CHCHD3: variants seen among roughly 807,000 people sequenced by gnomAD.
CHCHD3 encodes coiled-coil-helix-coiled-coil-helix domain containing 3.
In CHCHD3, 20 loss-of-function variants were observed where a neutral mutation model predicts 38.2. The observed-to-expected ratio is 0.52, with a 90% CI of 0.37 to 0.76. CHCHD3 has a LOEUF of 0.76. Among genes scored for constraint, CHCHD3 ranks in the 30% least tolerant of loss-of-function variants. The pLI is 0.00. For missense variants in CHCHD3, 245 were observed against 279.2 expected (o/e 0.88, Z 0.87); for synonymous variants, 82 against 100.0 (o/e 0.82, Z 1.07).
intron 2 of CHCHD3, chr7:133,034,919 C>T (rs765198884): frequency 3.5e-5 from 57 of 1,606,982 alleles, no homozygotes; most frequent in Non-Finnish European, 4.7e-5. Flanking sequence ...TCATGAAGGT[C>T]TGAGTGAGTT....
rs538651148 is a variant in CHCHD3, at chr7:132,897,574, C to T, written c.370-11829G>A. The stretch of plus-strand genomic sequence containing the variant: ...CAGAAAGAGAATTGGTTCTGGGACT[C>T]CTGCCTCTTGACAGCAGTGTACTTC... On this transcript the variant is annotated intron_variant, in intron 4 of 7. Coordinates refer to ENST00000262570, the MANE Select transcript of CHCHD3 (RefSeq NM_017812.4). 3.3e-5 allele frequency among the ~76,000 whole-genome samples: 5 copies of T among 152,336 alleles called. No homozygotes were observed. The East Asian group carries it at 9.7e-4, about 29-fold the overall frequency.
chr7:132,892,852 T>C (rs1809399372), intron 4 of CHCHD3, among the ~76,000 whole-genome samples: 1 of 152,224 alleles, frequency 6.6e-6, no homozygotes, highest in Admixed American at 6.5e-5. Flanking sequence ...AAGTCAAGAA[T>C]TGAGGTTTGC....
intron 4 of CHCHD3, among the ~76,000 whole-genome samples, chr7:132,919,503 C>A (rs1810206899): frequency 6.6e-6 from 1 of 152,104 alleles, no homozygotes; most frequent in Non-Finnish European, 1.5e-5. Context: ...AACTCCCTCA[C>A]CAAAATATTA....
intron 4 of CHCHD3, among the ~76,000 whole-genome samples, chr7:132,949,995 GGATACTTT>G (rs1810999599): frequency 6.6e-6 from 1 of 151,868 alleles, no homozygotes; most frequent in South Asian, 2.1e-4. Context: ...TAGGAATATG[GGATACTTT>G]GTGTTCTGCC....
intron 2 of CHCHD3, among the ~76,000 whole-genome samples, chr7:133,048,303 T>C (rs1814056096): frequency 6.6e-6 from 1 of 152,292 alleles, no homozygotes; most frequent in South Asian, 2.1e-4. Context: ...CACATATAAC[T>C]TGAAGTGACT....
At chr7:132,915,258 G>A (rs953927974) in intron 4 of CHCHD3, among the ~76,000 whole-genome samples, 4 of 152,116 alleles carry the variant, frequency 2.6e-5, no homozygotes, top group African/African-American at 7.2e-5. Context: ...AAGGAGGAAC[G>A]GACTTTGGGG....
chr7:133,080,907 T>A (rs941766704), intron 1 of CHCHD3, among the ~76,000 whole-genome samples: 31 of 126,930 alleles, frequency 2.4e-4, no homozygotes, highest in African/African-American at 1.1e-3. Flanking sequence ...CAGAAAAAAA[T>A]ATATAAATTA....
chr7:132,863,838 C>T (rs1193826175), intron 5 of CHCHD3, among the ~76,000 whole-genome samples: 1 of 152,194 alleles, frequency 6.6e-6, no homozygotes, highest in Non-Finnish European at 1.5e-5. Flanking sequence ...CCTGTGATAG[C>T]TTCCAATGCT....
intron 4 of CHCHD3, among the ~76,000 whole-genome samples, chr7:132,954,275 G>A (rs964846061): frequency 6.6e-6 from 1 of 152,176 alleles, no homozygotes; most frequent in African/African-American, 2.4e-5. Context: ...AGCACCTGGT[G>A]CAGAGGAGCA....
At chr7:132,941,472 A>G (rs1018807356) in intron 4 of CHCHD3, among the ~76,000 whole-genome samples, 1 of 152,112 alleles carries the variant, frequency 6.6e-6, no homozygotes, top group African/African-American at 2.4e-5. Context: ...GCCACCCACC[A>G]TAACAGCCAT....
chr7:132,917,580 G>A (rs1810138861), intron 4 of CHCHD3, among the ~76,000 whole-genome samples: 1 of 152,002 alleles, frequency 6.6e-6, no homozygotes, highest in African/African-American at 2.4e-5. Flanking sequence ...CCCTAGGCTG[G>A]GTGCCAGGTG....
intron 2 of CHCHD3, chr7:133,052,123 A>G (rs1454649022): frequency 1.3e-5 from 2 of 152,208 alleles, no homozygotes; most frequent in African/African-American, 4.8e-5. Context: ...TATTATTCCA[A>G]TGTTATAAAG....
chr7:133,025,520 G>T (rs1337354396), intron 2 of CHCHD3, among the ~76,000 whole-genome samples: 1 of 152,078 alleles, frequency 6.6e-6, no homozygotes, highest in East Asian at 1.9e-4. Flanking sequence ...TTGTTTGTTT[G>T]TTGAGACAGA....
chr7:133,016,335 T>C (rs182084649), intron 3 of CHCHD3, among the ~76,000 whole-genome samples: 39 of 152,330 alleles, frequency 2.6e-4, no homozygotes, highest in African/African-American at 8.4e-4. Context: ...TAGTTGGGCA[T>C]ATGGATCCTA....
chr7:132,912,858 G>A (rs1027270995), intron 4 of CHCHD3, among the ~76,000 whole-genome samples: 4 of 152,194 alleles, frequency 2.6e-5, no homozygotes, highest in African/African-American at 7.2e-5. Flanking sequence ...CCCGGCCAAA[G>A]ATGGGACTAC....
chr7:132,925,732 A>T (rs1810361538), intron 4 of CHCHD3, among the ~76,000 whole-genome samples: 1 of 152,214 alleles, frequency 6.6e-6, no homozygotes, highest in Non-Finnish European at 1.5e-5. Context: ...GAGGAATACC[A>T]CATCGTACTT....
At chr7:132,963,276 A>C (rs1811367128) in intron 4 of CHCHD3, among the ~76,000 whole-genome samples, 1 of 149,968 alleles carries the variant, frequency 6.7e-6, no homozygotes, top group Non-Finnish European at 1.5e-5. Context: ...CGTAAGCTAA[A>C]AATATTTCAA....
At chr7:133,010,601 A>G (rs10215163) in intron 3 of CHCHD3, among the ~76,000 whole-genome samples, 1,578 of 152,246 alleles carry the variant, frequency 0.01, 31 homozygotes, top group African/African-American at 0.036. Context: ...ATTTTGAGAC[A>G]GGGTCTCACT....
intron 3 of CHCHD3, among the ~76,000 whole-genome samples, chr7:132,984,198 G>C (rs1040075990): frequency 2.0e-5 from 3 of 151,602 alleles, no homozygotes; most frequent in African/African-American, 7.3e-5. Flanking sequence ...GAGTGCCTGC[G>C]ATTGCAGGCG....
Sources: gnomAD v4.1 joint callset for allele counts (sites outside exome capture counted in the v4.1 genomes callset) on GRCh38, gnomAD v4.1.1 for gene constraint, MANE v1.5 for transcripts, NCBI Gene and HGNC (gene_info 2026-07-23, HGNC 2026-07-21) for gene names.